Variants in SYT1 observed in about 807,000 individuals in gnomAD.
The protein encoded by SYT1 is synaptotagmin-1.
Under a neutral mutation model 44.8 loss-of-function variants are expected in SYT1, and 8 were observed. The observed-to-expected ratio is 0.18, with a 90% confidence interval of 0.10 to 0.32. The LOEUF is 0.32. SYT1 is among the 10% of genes least tolerant of loss of function. The pLI is 1.00. For synonymous variants in SYT1, 154 were observed against 188.8 expected, an observed-to-expected ratio of 0.82 and a Z score of 1.51; for missense variants, 286 against 509.3, an observed-to-expected ratio of 0.56 and a Z score of 4.22.
intron 3 of SYT1, among the ~76,000 whole-genome samples, chr12:79,109,872 A>T (rs1406496891): frequency 6.6e-6 from 1 of 152,158 alleles, no homozygotes; most frequent in Non-Finnish European, 1.5e-5. Context: ...CTTCCTGTGT[A>T]AGACTTTAGG....
At chr12:79,223,031 C>T (rs544571469) in intron 4 of SYT1, among the ~76,000 whole-genome samples, 101 of 151,966 alleles carry the variant, frequency 6.6e-4, no homozygotes, top group Non-Finnish European at 1.1e-3. Flanking sequence ...ATTATTTTCT[C>T]ATTTTGTTTT....
chr12:79,046,683 G>T (rs551004475), intron 2 of SYT1, among the ~76,000 whole-genome samples: 1 of 151,908 alleles, frequency 6.6e-6, no homozygotes, highest in East Asian at 1.9e-4. Flanking sequence ...ATTTATTTGT[G>T]TGTGTATGTA....
At chr12:78,954,198 G>C (rs1200239560) in intron 1 of SYT1, among the ~76,000 whole-genome samples, 1 of 151,970 alleles carries the variant, frequency 6.6e-6, no homozygotes, top group African/African-American at 2.4e-5. Context: ...CCACCCACAG[G>C]GTTGACACAT....
intron 4 of SYT1, among the ~76,000 whole-genome samples, chr12:79,254,328 G>A (rs1413298552): frequency 6.6e-6 from 1 of 152,116 alleles, no homozygotes; most frequent in Non-Finnish European, 1.5e-5. Flanking sequence ...GAACAACAAA[G>A]CTGGATGGCA....
chr12:78,911,911 G>T (rs1372546776), intron 1 of SYT1, among the ~76,000 whole-genome samples: 1 of 151,968 alleles, frequency 6.6e-6, no homozygotes, highest in Non-Finnish European at 1.5e-5. Context: ...TAAATGTGAT[G>T]AATATTTGTT....
At chr12:79,226,119 C>T (rs1565864023) in intron 4 of SYT1, among the ~76,000 whole-genome samples, 1 of 151,758 alleles carries the variant, frequency 6.6e-6, no homozygotes, top group Non-Finnish European at 1.5e-5. Flanking sequence ...TGAGCCATTC[C>T]TCTTAGACTT....
intron 9 of SYT1, 28 bp from the exon 10 acceptor site, chr12:79,444,045 T>TA (rs1489118257): frequency 6.2e-7 from 1 of 1,610,946 alleles, no homozygotes; most frequent in South Asian, 1.1e-5. Flanking sequence ...TCTGATCTCC[T>TA]AAAGTTTGTT....
chr12:79,023,500 G>A (rs920718892), intron 2 of SYT1, among the ~76,000 whole-genome samples: 1 of 151,810 alleles, frequency 6.6e-6, no homozygotes, highest in Non-Finnish European at 1.5e-5. Flanking sequence ...AGCATGCATT[G>A]GGAGCTTCAT....
At chr12:79,221,775 T>C (rs1331320028) in intron 4 of SYT1, among the ~76,000 whole-genome samples, 4 of 152,182 alleles carry the variant, frequency 2.6e-5, no homozygotes, top group Non-Finnish European at 5.9e-5. Context: ...TTGTGGCTAT[T>C]ATTATTTTTA....
At chr12:79,347,885 T>C (rs1882679044) in intron 8 of SYT1, among the ~76,000 whole-genome samples, 1 of 151,888 alleles carries the variant, frequency 6.6e-6, no homozygotes, top group Non-Finnish European at 1.5e-5. Context: ...CTACATTAGA[T>C]AGAGTGGCCA....
chr12:79,028,914 C>T (rs534200329), intron 2 of SYT1, among the ~76,000 whole-genome samples: 43 of 151,244 alleles, frequency 2.8e-4, no homozygotes, highest in African/African-American at 9.9e-4. Flanking sequence ...GAGGTTCCTG[C>T]CATTCAAGGT....
intron 3 of SYT1, among the ~76,000 whole-genome samples, chr12:79,146,472 A>G (rs1015305551): frequency 6.6e-6 from 1 of 152,214 alleles, no homozygotes; most frequent in African/African-American, 2.4e-5. Flanking sequence ...AAAGTTTTAG[A>G]ATTCAACCCT....
intron 9 of SYT1, among the ~76,000 whole-genome samples, chr12:79,382,497 G>T (rs1884265264): frequency 1.3e-5 from 2 of 151,836 alleles, no homozygotes; most frequent in Admixed American, 1.3e-4. Flanking sequence ...TTTTCCCCTT[G>T]TTATTTACTA....
chr12:79,391,272 A>G (rs1884647305), intron 9 of SYT1, among the ~76,000 whole-genome samples: 1 of 152,216 alleles, frequency 6.6e-6, no homozygotes, highest in South Asian at 2.1e-4. Flanking sequence ...GTGTATCTGA[A>G]TATTAAAAAT....
At chr12:79,102,372 A>G (rs967957603) in intron 3 of SYT1, among the ~76,000 whole-genome samples, 3 of 151,868 alleles carry the variant, frequency 2.0e-5, no homozygotes, top group African/African-American at 7.3e-5. Context: ...GACACTCAAT[A>G]CTTCCACCCC....
intron 2 of SYT1, among the ~76,000 whole-genome samples, chr12:79,012,580 T>C (rs1871484055): frequency 6.6e-6 from 1 of 152,186 alleles, no homozygotes; most frequent in Non-Finnish European, 1.5e-5. Flanking sequence ...TTATTTGTTA[T>C]TGTGGTGCTT....
intron 9 of SYT1, among the ~76,000 whole-genome samples, chr12:79,420,247 A>AGTGT (rs1869022315): frequency 6.6e-6 from 1 of 152,134 alleles, no homozygotes; most frequent in Non-Finnish European, 1.5e-5. Flanking sequence ...CCCAACCAGA[A>AGTGT]GTGTGTGAGC....
intron 4 of SYT1, among the ~76,000 whole-genome samples, chr12:79,263,359 AAAT>A (rs945076995): frequency 6.6e-6 from 1 of 151,870 alleles, no homozygotes; most frequent in African/African-American, 2.4e-5. Context: ...ATCTTTTCAG[AAAT>A]AATAATTTCA....
chr12:79,003,223 C>T (rs1337305381), intron 2 of SYT1, among the ~76,000 whole-genome samples: 3 of 151,912 alleles, frequency 2.0e-5, no homozygotes, highest in Non-Finnish European at 4.4e-5. Flanking sequence ...TGATTGGTAT[C>T]TAGAAATTTA....
Sources: allele counts gnomAD v4.1 joint callset (sites outside exome capture counted in the v4.1 genomes callset), GRCh38; gene constraint gnomAD v4.1.1; transcripts MANE v1.5; gene names NCBI Gene and HGNC (gene_info 2026-07-23, HGNC 2026-07-21).